RASGRP1: variants seen among roughly 807,000 people sequenced by gnomAD.
RASGRP1 encodes RAS guanyl-releasing protein 1.
Under a neutral mutation model 95.1 loss-of-function variants are expected in RASGRP1, and 37 were observed. The ratio of observed to expected loss-of-function variants is 0.39; its 90% CI spans 0.30 to 0.51. The LOEUF is 0.51. RASGRP1 is among the 20% of genes least tolerant of loss of function. The probability of loss-of-function intolerance (pLI) is 0.80; values close to 1 mark genes in which losing one functional copy is unlikely to be tolerated. For missense variants in RASGRP1, 711 were observed against 965.4 expected, an observed-to-expected ratio of 0.74 and a Z score of 3.49; for synonymous variants, 325 against 353.4, an observed-to-expected ratio of 0.92 and a Z score of 0.90.
intron 3 of RASGRP1, among the ~76,000 whole-genome samples, chr15:38,524,802 G>C (rs1338035001): frequency 6.6e-6 from 1 of 152,050 alleles, no homozygotes; most frequent in Non-Finnish European, 1.5e-5. Flanking sequence ...CTGAGGGGCA[G>C]GTGCCATTGA....
intron 16 of RASGRP1, 178 bp downstream of exon 16, chr15:38,494,204 C>T: frequency 1.2e-6 from 1 of 823,526 alleles, no homozygotes; most frequent in Non-Finnish European, 1.9e-6. Context: ...ATCATCCTTT[C>T]TTCCTTCCCT....
At chr15:38,540,680 G>C (rs1892827861) in intron 2 of RASGRP1, among the ~76,000 whole-genome samples, 1 of 152,210 alleles carries the variant, frequency 6.6e-6, no homozygotes, top group Non-Finnish European at 1.5e-5. Flanking sequence ...AGGCAGAGCA[G>C]CTCCTTGCCA....
chr15:38,526,215 A>C, intron 3 of RASGRP1, 84 bp downstream of exon 3: 3 of 1,119,078 alleles, frequency 2.7e-6, no homozygotes, highest in Non-Finnish European at 4.1e-6. Flanking sequence ...CCAAACCAAT[A>C]AAAATAAAAG....
intron 6 of RASGRP1, 46 bp from the exon 7 acceptor site, chr15:38,513,002 G>A (rs1464361698): frequency 2.8e-6 from 4 of 1,424,906 alleles, no homozygotes; most frequent in South Asian, 3.1e-5. Context: ...TATCAGTACT[G>A]TACTCTGGTA....
chr15:38,555,232 CATACTT>C (rs1317055163), intron 2 of RASGRP1, among the ~76,000 whole-genome samples: 1 of 152,212 alleles, frequency 6.6e-6, no homozygotes, highest in Non-Finnish European at 1.5e-5. Flanking sequence ...GTGGAGAAAA[CATACTT>C]ATTAGTTTTG....
Position 38,564,795 on chromosome 15 carries a change from C to T in RASGRP1, c.-167G>A, listed in dbSNP as rs1009954285. On this transcript the variant is annotated 5_prime_UTR_variant, in exon 1 of 17. Transcript: ENST00000310803. ...GAGCCCGACCGAGGTGCACCGCAGGCACAAACTTTGTGCGAGCGCGCCCCC... is the reference window on the plus strand; with the variant it reads ...GAGCCCGACCGAGGTGCACCGCAGGTACAAACTTTGTGCGAGCGCGCCCCC... 11 of 445,744 alleles carry T rather than the reference C, an allele frequency of 2.5e-5. No homozygotes were observed. The highest frequency in any genetic ancestry group is 1.0e-4 in the South Asian group (1 of 9,560). 27.6% of individuals were successfully genotyped at this position (445,744 alleles called of 1,614,324 possible). A position where few individuals can be genotyped will look rare whatever the true frequency, so the allele number is the denominator to read the frequency against.
intron 11 of RASGRP1, chr15:38,502,712 A>T: frequency 3.6e-6 from 1 of 280,740 alleles, no homozygotes; most frequent in South Asian, 6.6e-5. Context: ...TTCTCCTTTC[A>T]CTCTACCCTT....
rs763571366 is a variant in RASGRP1 at position 38,507,873 on chromosome 15, C to T, written c.1095G>A (p.Leu365=). ...CCAGATAGTCAGGCATGGCTTCATA[C>T]AGGGAGATGAGGTCCTTGAGATGCA... ...LGVHLKDLIS[L]YEAMPDYLED... Residue 365 remains leucine (L), a synonymous_variant, in exon 9 of 17, where the codon CTG becomes CTA. Transcript: ENST00000310803. 5 of 1,613,728 alleles carry T rather than the reference C, an allele frequency of 3.1e-6. No homozygotes were observed. The highest frequency in any genetic ancestry group is 1.1e-5 in the South Asian group (1 of 90,982).
intron 2 of RASGRP1, among the ~76,000 whole-genome samples, chr15:38,546,915 C>T (rs750351157): frequency 1.2e-4 from 18 of 152,250 alleles, no homozygotes; most frequent in Admixed American, 2.6e-4. Context: ...AACTTAAGTG[C>T]GAGACTTTAC....
In RASGRP1 at chr15:38,489,431, T is replaced by C. The variant is rs1890483352; in HGVS notation, c.*1123A>G. ...TGAGCAATTTAATCTTGTGACAAAC[T>C]GAACTTTATATTTGTGACTTTGTAT... On this transcript the variant is annotated 3_prime_UTR_variant, in exon 17 of 17. Transcript: ENST00000310803. The C allele has an allele frequency of 6.6e-6, 1 of 152,352 alleles. No homozygotes were observed. 9.4% of individuals were successfully genotyped at this position (152,352 alleles called of 1,614,324 possible).
rs779097574 is a variant in RASGRP1 at position 38,501,175 on chromosome 15, T to G, written c.1651A>C (p.Lys551Gln). 6.2e-7 allele frequency: 1 copy of G among 1,611,124 alleles called. No homozygotes were observed. Residue 551 changes from lysine (K) to glutamine (Q), a missense_variant, in exon 13 of 17, where the codon AAG (lysine) becomes CAG (glutamine). By Grantham distance (53) the Lys-to-Gln change is moderately conservative. This residue lies in a region of RASGRP1 where 491 missense variants were observed against 676.6 expected (regional missense o/e 0.73). Transcript: ENST00000310803. ...PHNFQETTYLKPTFCDNCAGF... is the reference protein window; with the variant it reads ...PHNFQETTYLQPTFCDNCAGF... ...GCACAGTTGTCACAAAAAGTGGGCT[T>G]CAGGTAGGTGGTCTCTTGGAAGTTG...
rs542092623 is a variant in RASGRP1, at chr15:38,505,829, G to T, written c.1323+11C>A. 1.3e-6 allele frequency: 2 copies of T among 1,589,298 alleles called. No homozygotes were observed. The highest frequency in any genetic ancestry group is 2.2e-5 in the East Asian group (1 of 44,662). On this transcript the variant is annotated intron_variant, in intron 10 of 16. Transcript: ENST00000310803. The stretch of plus-strand genomic sequence containing the variant: ...CCTGTTACATGTGGAGTCTTAATAT[G>T]AAAAACTCACTGGAGCTCTGTGGTT...
Position 38,539,562 on chromosome 15 carries a change from TTTTA to T in RASGRP1, c.221-13162_221-13159del, listed in dbSNP as rs1160270081. 6.0e-3 allele frequency among the ~76,000 whole-genome samples: 910 copies of T among 151,996 alleles called. 8 individuals are homozygous for T. The highest frequency in any genetic ancestry group is 0.021 in the African/African-American group (869 of 41,468). ...CCTGCATTGCCGTTTTTTTTTTTGT[TTTTA>T]TTTATTTATTTATTATTATTATACT... On this transcript the variant is annotated intron_variant, in intron 2 of 16. Coordinates refer to ENST00000310803, the MANE Select transcript of RASGRP1 (RefSeq NM_005739.4).
chr15:38,517,869 T>C (rs548344572), intron 5 of RASGRP1, among the ~76,000 whole-genome samples: 1 of 152,338 alleles, frequency 6.6e-6, no homozygotes, highest in South Asian at 2.1e-4. Context: ...GTGTCTTTCA[T>C]AGACATCCAT....
chr15:38,515,910 A>AGAGAGGGT (rs779224083), intron 6 of RASGRP1, among the ~76,000 whole-genome samples: 1 of 143,462 alleles, frequency 7.0e-6, no homozygotes, highest in Non-Finnish European at 1.5e-5. Flanking sequence ...AGAGAGAGAG[A>AGAGAGGGT]GTGTGTGTGT....
chr15:38,512,972 C>A lies in RASGRP1; in HGVS notation c.676-16G>T, dbSNP rs56241040. 23,110 of 1,487,232 alleles carry A rather than the reference C, an allele frequency of 0.016. 219 individuals carry two copies. The highest frequency in any genetic ancestry group is 0.019 in the Non-Finnish European group (21,461 of 1,120,410). 92.1% of individuals were successfully genotyped at this position (1,487,232 alleles called of 1,614,324 possible). Reference sequence around the variant, plus strand: ...AATCAGAGAACTGCAGGAAAAGAAACAACAACAACAAAAAAAACCTATCAG... The same window carrying A: ...AATCAGAGAACTGCAGGAAAAGAAAAAACAACAACAAAAAAAACCTATCAG... On this transcript the variant is annotated splice_polypyrimidine_tract_variant and intron_variant, in intron 6 of 16. Coordinates refer to ENST00000310803, the MANE Select transcript of RASGRP1 (RefSeq NM_005739.4).
At chr15:38,497,691 G>C (rs958448977) in intron 15 of RASGRP1, among the ~76,000 whole-genome samples, 2 of 152,142 alleles carry the variant, frequency 1.3e-5, no homozygotes, top group African/African-American at 4.8e-5. Context: ...CCCCTAACTA[G>C]AACTACTCCA....
chr15:38,494,235 C>T, intron 16 of RASGRP1, 147 bp downstream of exon 16: 1 of 1,048,528 alleles, frequency 9.5e-7, no homozygotes, highest in Admixed American at 2.0e-5. Context: ...CTCCCTGTTT[C>T]TCCCTCCCTG....
chr15:38,530,699 G>T (rs1407624312), intron 2 of RASGRP1, among the ~76,000 whole-genome samples: 1 of 152,162 alleles, frequency 6.6e-6, no homozygotes, highest in Non-Finnish European at 1.5e-5. Context: ...TTCCTTTATG[G>T]CTGGTTAGCA....
Sources: gnomAD v4.1 joint callset for allele counts (sites outside exome capture counted in the v4.1 genomes callset) on GRCh38, gnomAD v4.1.1 for gene constraint, gnomAD v4.1.1 regional missense constraint, MANE v1.5 for transcripts, NCBI Gene and HGNC (gene_info 2026-07-23, HGNC 2026-07-21) for gene names.